Variants in PHF21A observed in about 807,000 individuals in gnomAD.
PHF21A encodes BHC80a.
A neutral mutation model predicts 82.5 loss-of-function variants in PHF21A; 11 were observed. The observed-to-expected ratio is 0.13, with a 90% CI of 0.08 to 0.22. PHF21A has a LOEUF of 0.22. PHF21A is among the 10% of genes least tolerant of loss of function. PHF21A has a pLI of 1.00. For synonymous variants in PHF21A, 297 were observed against 302.8 expected, an observed-to-expected ratio of 0.98 and a Z score of 0.20; for missense variants, 579 against 837.8, an observed-to-expected ratio of 0.69 and a Z score of 3.81.
At chr11:46,012,531 T>C (rs1460492700) in intron 6 of PHF21A, among the ~76,000 whole-genome samples, 1 of 152,190 alleles carries the variant, frequency 6.6e-6, no homozygotes, top group African/African-American at 2.4e-5. Flanking sequence ...CTTACGCAAG[T>C]TAACTCACGA....
intron 6 of PHF21A, among the ~76,000 whole-genome samples, chr11:46,038,212 T>G (rs976515492): frequency 2.0e-5 from 3 of 151,962 alleles, no homozygotes; most frequent in African/African-American, 7.3e-5. Flanking sequence ...CTGCAACCTC[T>G]GCCTCCCAGT....
intron 6 of PHF21A, among the ~76,000 whole-genome samples, chr11:46,025,060 G>A (rs2095711676): frequency 6.6e-6 from 1 of 151,960 alleles, no homozygotes; most frequent in Admixed American, 6.5e-5. Flanking sequence ...GCTGAGTAAT[G>A]GTGTTCTAGA....
Position 45,948,917 on chromosome 11 carries a change from G to C in PHF21A, c.1257C>G (p.Asn419Lys). ...ERKKSAVTYL[N>K]STMHPGTRKR... ...TCCGGGTCCCAGGGTGCATTGTGCT[G>C]TTTAGGTATGTCACTGCACTCTTCT... The change falls in exon 14 of 19, where the codon AAC (asparagine) becomes AAG (lysine). Residue 419 changes from asparagine to lysine, a missense_variant. By Grantham distance (94) the Asn-to-Lys change is moderately conservative. Around this residue, in one of 3 missense-constraint regions of PHF21A, gnomAD observed 410 missense variants for 642.1 expected, o/e 0.64. Coordinates refer to ENST00000676320, the MANE Select transcript of PHF21A (RefSeq NM_001352027.3). 6.2e-7 allele frequency: 1 copy of C among 1,614,048 alleles called. No individual in the cohort carries two copies. Among genetic ancestry groups the C allele is most frequent in the Non-Finnish European group, 8.5e-7 (1 of 1,179,880 alleles).
chr11:46,014,413 T>C lies in PHF21A; in HGVS notation c.154-34447A>G, dbSNP rs544851815. ...ACATTTTCTTTATCCAATCCACTGTTGATGGACACCTAGGTTGATTCCATG... is the reference window on the plus strand; with the variant it reads ...ACATTTTCTTTATCCAATCCACTGTCGATGGACACCTAGGTTGATTCCATG... On this transcript the variant is annotated intron_variant, in intron 6 of 18. Coordinates refer to ENST00000676320, the MANE Select transcript of PHF21A (RefSeq NM_001352027.3). Among the ~76,000 whole-genome samples, 10 of 152,368 alleles carry C rather than the reference T, an allele frequency of 6.6e-5. No homozygotes were observed. The South Asian group carries it at 1.9e-3, about 28-fold the overall frequency.
At chr11:46,013,642 C>A (rs575883754) in intron 6 of PHF21A, among the ~76,000 whole-genome samples, 2 of 152,166 alleles carry the variant, frequency 1.3e-5, no homozygotes, top group Admixed American at 1.3e-4. Context: ...CATTGCTGTG[C>A]GAACATCATA....
chr11:46,032,663 T>C (rs2095890759), intron 6 of PHF21A, among the ~76,000 whole-genome samples: 1 of 152,144 alleles, frequency 6.6e-6, no homozygotes, highest in African/African-American at 2.4e-5. Context: ...AAAGGCTATA[T>C]ATACTTTCAT....
chr11:45,990,769 C>T (rs1056147168), intron 6 of PHF21A, among the ~76,000 whole-genome samples: 14 of 150,968 alleles, frequency 9.3e-5, no homozygotes, highest in African/African-American at 3.2e-4. Context: ...CAGAACAAAA[C>T]TGAACAGAAA....
At chr11:46,004,915 C>T (rs2095256169) in intron 6 of PHF21A, among the ~76,000 whole-genome samples, 1 of 152,164 alleles carries the variant, frequency 6.6e-6, no homozygotes, top group East Asian at 1.9e-4. Flanking sequence ...AGAAAAAACA[C>T]AGGGAAACAG....
At chr11:45,958,449 TACACACACACACACACAC>T (rs60775450) in intron 10 of PHF21A, among the ~76,000 whole-genome samples, 1 of 15,058 alleles carries the variant, frequency 6.6e-5, no homozygotes, top group Non-Finnish European at 1.3e-4. Context: ...TATATATATA[TACACACACACACACACAC>T]ACATATATAT....
At chr11:46,097,195 A>G (rs574857100) in intron 1 of PHF21A, among the ~76,000 whole-genome samples, 12 of 152,114 alleles carry the variant, frequency 7.9e-5, no homozygotes, top group Non-Finnish European at 1.6e-4. Context: ...ATTCTCTCGC[A>G]AGCCAGAGTA....
chr11:46,119,178 T>C (rs768746508), intron 1 of PHF21A, among the ~76,000 whole-genome samples: 1 of 152,156 alleles, frequency 6.6e-6, no homozygotes, highest in African/African-American at 2.4e-5. Context: ...ATTATTTATA[T>C]ATAAATGTTC....
At chr11:46,083,126 T>TA (rs1338924420) in intron 4 of PHF21A, among the ~76,000 whole-genome samples, 5 of 151,844 alleles carry the variant, frequency 3.3e-5, no homozygotes, top group Non-Finnish European at 5.9e-5. Context: ...CTTGTTTTTG[T>TA]AACAAATTTC....
chr11:45,995,934 T>TA (rs869305954), intron 6 of PHF21A, among the ~76,000 whole-genome samples: 3 of 152,148 alleles, frequency 2.0e-5, no homozygotes, highest in Non-Finnish European at 4.4e-5. Flanking sequence ...TGGCTTTTTT[T>TA]AAAAAAATAA....
At chr11:46,060,180 C>T (rs951507116) in intron 6 of PHF21A, among the ~76,000 whole-genome samples, 2 of 152,086 alleles carry the variant, frequency 1.3e-5, no homozygotes, top group Admixed American at 6.6e-5. Flanking sequence ...TTTTTCAAAA[C>T]ATGGATGGGG....
chr11:45,995,271 C>T (rs1172644069), intron 6 of PHF21A, among the ~76,000 whole-genome samples: 1 of 152,074 alleles, frequency 6.6e-6, no homozygotes, highest in Non-Finnish European at 1.5e-5. Flanking sequence ...GGAGAAAGCA[C>T]TTTTAGGAAA....
chr11:46,044,611 C>T (rs551391523), intron 6 of PHF21A, among the ~76,000 whole-genome samples: 10 of 152,156 alleles, frequency 6.6e-5, no homozygotes, highest in Non-Finnish European at 1.2e-4. Context: ...GCTTCTGCAA[C>T]GGTTATCCAA....
intron 6 of PHF21A, among the ~76,000 whole-genome samples, chr11:46,071,401 T>C (rs1398020160): frequency 6.6e-6 from 1 of 152,196 alleles, no homozygotes; most frequent in Non-Finnish European, 1.5e-5. Context: ...CAGCCTAGAT[T>C]AGGAGAACCC....
chr11:45,958,348 A>G (rs2092814195), intron 10 of PHF21A, among the ~76,000 whole-genome samples: 1 of 131,844 alleles, frequency 7.6e-6, no homozygotes, highest in African/African-American at 2.9e-5. Context: ...AGATAGCTTG[A>G]GCTCAGGGGT....
At chr11:45,989,667 AAAAT>A (rs967770399) in intron 6 of PHF21A, among the ~76,000 whole-genome samples, 9 of 149,684 alleles carry the variant, frequency 6.0e-5, no homozygotes, top group Admixed American at 4.7e-4. Flanking sequence ...AAACTGTCTC[AAAAT>A]AAATAAATAA....
Sources: gnomAD v4.1 joint callset for allele counts (sites outside exome capture counted in the v4.1 genomes callset) on GRCh38, gnomAD v4.1.1 for gene constraint, gnomAD v4.1.1 regional missense constraint, MANE v1.5 for transcripts, NCBI Gene and HGNC (gene_info 2026-07-23, HGNC 2026-07-21) for gene names.